Variants in LRRC4C observed in about 807,000 individuals in gnomAD.
The protein encoded by LRRC4C is leucine rich repeat containing 4C, also known as leucine-rich repeat-containing protein 4C.
LRRC4C carries 5 observed loss-of-function variants against 33.6 expected under a neutral mutation model. The ratio of observed to expected loss-of-function variants is 0.15; its 90% CI spans 0.08 to 0.31. The LOEUF (loss-of-function observed/expected upper bound fraction) is 0.31. LRRC4C is among the 10% of genes least tolerant of loss of function. The pLI is 1.00. For synonymous variants in LRRC4C, 329 were observed against 302.0 expected, an observed-to-expected ratio of 1.09 and a Z score of -0.93; for missense variants, 560 against 796.7, an observed-to-expected ratio of 0.70 and a Z score of 3.58.
chr11:41,449,182 A>G (rs954164138), intron 1 of LRRC4C, among the ~76,000 whole-genome samples: 1 of 152,222 alleles, frequency 6.6e-6, no homozygotes, highest in African/African-American at 2.4e-5. Flanking sequence ...TGTACAGAAC[A>G]GAGGCTAGAG....
At chr11:40,164,359 G>C (rs1216287829) in intron 5 of LRRC4C, among the ~76,000 whole-genome samples, 3 of 152,174 alleles carry the variant, frequency 2.0e-5, no homozygotes, top group Non-Finnish European at 4.4e-5. Context: ...TCCTGCCTCA[G>C]CTTCCAAGAA....
At chr11:40,589,915 T>G (rs1307920725) in intron 3 of LRRC4C, among the ~76,000 whole-genome samples, 3 of 150,504 alleles carry the variant, frequency 2.0e-5, no homozygotes, top group Admixed American at 6.6e-5. Context: ...TTAACATTTT[T>G]TCCTTCATTT....
chr11:40,922,876 T>C (rs897830784), intron 2 of LRRC4C, among the ~76,000 whole-genome samples: 1 of 152,104 alleles, frequency 6.6e-6, no homozygotes, highest in Non-Finnish European at 1.5e-5. Context: ...TATAGGCTGG[T>C]GCACAGTGGC....
chr11:40,968,465 A>G (rs181303473), intron 1 of LRRC4C, among the ~76,000 whole-genome samples: 20 of 152,254 alleles, frequency 1.3e-4, no homozygotes, highest in Non-Finnish European at 1.9e-4. Flanking sequence ...AAAAATGACT[A>G]TGTTGGAATG....
intron 1 of LRRC4C, among the ~76,000 whole-genome samples, chr11:41,216,248 T>G (rs1947056418): frequency 6.6e-6 from 1 of 152,078 alleles, no homozygotes; most frequent in Non-Finnish European, 1.5e-5. Flanking sequence ...TCTGAAACAT[T>G]ACAGGGAATT....
At chr11:41,391,852 G>A (rs1428724284) in intron 1 of LRRC4C, among the ~76,000 whole-genome samples, 1 of 151,780 alleles carries the variant, frequency 6.6e-6, no homozygotes, top group African/African-American at 2.4e-5. Context: ...AAAATTAATA[G>A]AATATTATTT....
chr11:41,395,224 T>A (rs907371854), intron 1 of LRRC4C, among the ~76,000 whole-genome samples: 31 of 152,010 alleles, frequency 2.0e-4, no homozygotes, highest in African/African-American at 7.5e-4. Context: ...CTTGAGCACA[T>A]GTGAACACCT....
At position 40,463,058 on chromosome 11, in the gene LRRC4C, C is replaced by T. The variant is rs148404235; in HGVS notation, c.-269-143337G>A. Among the ~76,000 whole-genome samples the T allele has an allele frequency of 3.8e-4, 58 of 152,178 alleles. 2 individuals carry two copies. Among genetic ancestry groups the T allele is most frequent in the African/African-American group, 1.3e-3 (52 of 41,524 alleles). ...TCTGCTGGCTTCAATTAGCTCTGTG[C>T]CTGTCACTGAACAAGTAACTATGGT... is the stretch of plus-strand genomic sequence containing the variant. On this transcript the variant is annotated intron_variant, in intron 3 of 6. Transcript: ENST00000528697.
chr11:40,144,433 G>A (rs1857581419), intron 5 of LRRC4C, among the ~76,000 whole-genome samples: 1 of 152,072 alleles, frequency 6.6e-6, no homozygotes, highest in African/African-American at 2.4e-5. Flanking sequence ...GGCCAAATGT[G>A]GTACTTGTCC....
At chr11:40,610,365 A>T (rs1038595895) in intron 3 of LRRC4C, among the ~76,000 whole-genome samples, 1 of 151,806 alleles carries the variant, frequency 6.6e-6, no homozygotes. Flanking sequence ...GAATAATATT[A>T]CCTCAAAATA....
intron 4 of LRRC4C, among the ~76,000 whole-genome samples, chr11:40,280,447 T>C (rs1943397617): frequency 6.6e-6 from 1 of 152,196 alleles, no homozygotes; most frequent in African/African-American, 2.4e-5. Flanking sequence ...ATCCCTGTAA[T>C]ATATCCTATG....
intron 5 of LRRC4C, among the ~76,000 whole-genome samples, chr11:40,184,157 T>A (rs1214505334): frequency 6.6e-6 from 1 of 152,160 alleles, no homozygotes; most frequent in African/African-American, 2.4e-5. Context: ...TGTTGTCCAC[T>A]CAAAGGTGTT....
intron 2 of LRRC4C, among the ~76,000 whole-genome samples, chr11:40,688,933 T>C (rs1945095923): frequency 6.6e-6 from 1 of 152,052 alleles, no homozygotes; most frequent in Non-Finnish European, 1.5e-5. Context: ...CACCGAGGTG[T>C]AAATAAGAAA....
intron 1 of LRRC4C, among the ~76,000 whole-genome samples, chr11:41,304,509 G>T (rs1163142577): frequency 1.8e-5 from 2 of 108,336 alleles, no homozygotes; most frequent in South Asian, 3.6e-4. Flanking sequence ...CAGCCGCCCC[G>T]TCCGGGAGGG....
At chr11:40,443,450 C>T (rs377474594) in intron 3 of LRRC4C, among the ~76,000 whole-genome samples, 6 of 152,114 alleles carry the variant, frequency 3.9e-5, no homozygotes, top group South Asian at 2.1e-4. Context: ...ATGTCAAAGA[C>T]GAGACTCATT....
At chr11:40,763,441 C>A (rs1215822933) in intron 2 of LRRC4C, among the ~76,000 whole-genome samples, 5 of 152,138 alleles carry the variant, frequency 3.3e-5, no homozygotes, top group Admixed American at 6.6e-5. Flanking sequence ...TGCTGCCCAA[C>A]AGGAACACCA....
At chr11:41,153,675 C>A (rs10837586) in intron 1 of LRRC4C, among the ~76,000 whole-genome samples, 25,860 of 152,106 alleles carry the variant, frequency 0.17, 2,754 homozygotes, top group East Asian at 0.37. Context: ...AATATCCTGC[C>A]TAGCACAATA....
chr11:40,947,179 A>G (rs1308111449), intron 1 of LRRC4C, among the ~76,000 whole-genome samples: 3 of 152,192 alleles, frequency 2.0e-5, no homozygotes, highest in African/African-American at 7.2e-5. Context: ...TTAATCATGT[A>G]TGACTTTTTT....
intron 1 of LRRC4C, among the ~76,000 whole-genome samples, chr11:41,310,029 CTT>C (rs1950604133): frequency 6.6e-6 from 1 of 152,164 alleles, no homozygotes; most frequent in African/African-American, 2.4e-5. Context: ...CCTGTCATCC[CTT>C]TCTCTGTCTC....
Sources: allele counts gnomAD v4.1 joint callset (sites outside exome capture counted in the v4.1 genomes callset), GRCh38; gene constraint gnomAD v4.1.1; transcripts MANE v1.5; gene names NCBI Gene and HGNC (gene_info 2026-07-23, HGNC 2026-07-21).